The following SLC25A53 variants were observed in gnomAD, a reference collection of about 807,000 sequenced individuals.
The protein encoded by SLC25A53 is solute carrier family 25 member 53.
Under a neutral mutation model 15.0 loss-of-function variants are expected in SLC25A53, and 5 were observed. That is an observed-to-expected ratio of 0.33 (90% confidence interval 0.17 to 0.70). The LOEUF (loss-of-function observed/expected upper bound fraction) is 0.70. Among genes scored for constraint, SLC25A53 ranks in the 30% least tolerant of loss-of-function variants. The pLI is 0.67. For missense variants in SLC25A53, 216 were observed against 241.6 expected (o/e 0.89, Z 0.70); for synonymous variants, 95 against 100.0 (o/e 0.95, Z 0.30).
At position 104,104,194 on chromosome X, in the gene SLC25A53, G is replaced by C. The variant is rs1263233423; in HGVS notation, c.*140C>G. The C allele has an allele frequency of 2.1e-5, 11 of 529,618 alleles. No homozygotes were observed. Among genetic ancestry groups the C allele is most frequent in the Admixed American group, 3.9e-5 (1 of 25,332 alleles). The allele number at this position is 529,618 out of a possible 1,213,427, so 43.6% of individuals were successfully genotyped here. A position where few individuals can be genotyped will look rare whatever the true frequency, so the allele number is the denominator to read the frequency against. ...TTTGTCCTTGCTCAACAGGTTGGTA[G>C]TTGGGAACTTCTCCCATGCAATGAG... On this transcript the variant is annotated 3_prime_UTR_variant, in exon 2 of 2. Coordinates refer to ENST00000594199, the MANE Select transcript of SLC25A53 (RefSeq NM_001012755.5).
intron 1 of SLC25A53, among the ~76,000 whole-genome samples, chrX:104,111,787 C>A (rs1238979881): frequency 8.9e-6 from 1 of 112,245 alleles, no homozygotes; most frequent in Non-Finnish European, 1.9e-5. Context: ...TTATTTGCTG[C>A]AGGATACAGG....
intron 1 of SLC25A53, among the ~76,000 whole-genome samples, chrX:104,107,418 G>C (rs1345130893): frequency 1.1e-4 from 12 of 111,843 alleles, no homozygotes; most frequent in Admixed American, 1.9e-4. Flanking sequence ...AACTCAAGAG[G>C]CCCACTCTTT....
chrX:104,124,680 G>C (rs1556363818), intron 1 of SLC25A53, among the ~76,000 whole-genome samples: 1 of 109,680 alleles, frequency 9.1e-6, no homozygotes, highest in Admixed American at 9.8e-5. Flanking sequence ...CTTGAGCCCA[G>C]GAAGTTGAGG....
intron 1 of SLC25A53, among the ~76,000 whole-genome samples, chrX:104,117,717 G>T (rs2075382105): frequency 9.0e-6 from 1 of 110,993 alleles, no homozygotes. Context: ...CCTTGGAGGG[G>T]ATTTGCCCAC....
At chrX:104,117,251 C>T (rs2075380492) in intron 1 of SLC25A53, among the ~76,000 whole-genome samples, 1 of 105,203 alleles carries the variant, frequency 9.5e-6, no homozygotes, top group Admixed American at 1.0e-4. Flanking sequence ...TCCATATCCC[C>T]GCAATCTCAT....
At chrX:104,111,258 A>G (rs782053726) in intron 1 of SLC25A53, among the ~76,000 whole-genome samples, 10 of 112,092 alleles carry the variant, frequency 8.9e-5, no homozygotes, top group African/African-American at 9.7e-5. Flanking sequence ...GTAAGGCCCA[A>G]TAATCTACAT....
chrX:104,144,644 C>T (rs2075460789), intron 1 of SLC25A53, among the ~76,000 whole-genome samples: 1 of 111,370 alleles, frequency 9.0e-6, no homozygotes, highest in South Asian at 3.8e-4. Context: ...GCTGACGAGC[C>T]TTTGGGGAAG....
rs369536665 is a variant in SLC25A53, at chrX:104,130,550, G to C, written c.-31-25262C>G. 39 of 111,316 alleles carry C rather than the reference G, an allele frequency of 3.5e-4. 3 individuals are homozygous for C. Among genetic ancestry groups the C allele is most frequent in the Admixed American group, 2.5e-3 (26 of 10,491 alleles). The allele number at this position is 111,316 out of a possible 1,213,427, so 9.2% of individuals were successfully genotyped here. ...ATATGCTTGACATTTTTAAAGAACA[G>C]GAGGTGGGCAGACACTTCCTGTTTT... is the stretch of plus-strand genomic sequence containing the variant. On this transcript the variant is annotated intron_variant, in intron 1 of 1. Coordinates refer to ENST00000594199, the MANE Select transcript of SLC25A53 (RefSeq NM_001012755.5).
chrX:104,107,845 T>C (rs1300378862), intron 1 of SLC25A53, among the ~76,000 whole-genome samples: 2 of 111,841 alleles, frequency 1.8e-5, no homozygotes, highest in African/African-American at 6.5e-5. Context: ...ATCAACTTGA[T>C]GTGTGACCTT....
chrX:104,149,509 T>G (rs180749146), intron 1 of SLC25A53, among the ~76,000 whole-genome samples: 1 of 112,360 alleles, frequency 8.9e-6, no homozygotes, highest in East Asian at 2.8e-4. Flanking sequence ...GACCTATAGG[T>G]GGCCTTACCA....
intron 1 of SLC25A53, among the ~76,000 whole-genome samples, chrX:104,111,378 T>G (rs782463390): frequency 1.8e-5 from 2 of 112,024 alleles, no homozygotes; most frequent in East Asian, 5.6e-4. Flanking sequence ...TGGCTTCACC[T>G]TGTATTTTCA....
chrX:104,154,042 GA>G (rs2075493219), intron 1 of SLC25A53, among the ~76,000 whole-genome samples: 1 of 112,197 alleles, frequency 8.9e-6, no homozygotes, highest in African/African-American at 3.2e-5. Context: ...ACAATTAACA[GA>G]GGGGAGAGAC....
chrX:104,144,532 C>A (rs1441501300), intron 1 of SLC25A53, among the ~76,000 whole-genome samples: 3 of 111,633 alleles, frequency 2.7e-5, no homozygotes, highest in African/African-American at 9.8e-5. Context: ...GAATCACTGG[C>A]CTTCTGCATC....
At chrX:104,124,962 C>A (rs2075406255) in intron 1 of SLC25A53, among the ~76,000 whole-genome samples, 1 of 104,417 alleles carries the variant, frequency 9.6e-6, no homozygotes, top group African/African-American at 3.5e-5. Context: ...CTTGCCTCAG[C>A]CTTCCTAGTA....
In SLC25A53 at chrX:104,142,946, C is replaced by T. The variant is rs72616861; in HGVS notation, c.-32+13932G>A. Among the ~76,000 whole-genome samples the T allele has an allele frequency of 1.8e-4, 19 of 105,511 alleles. No homozygotes were observed. The East Asian group carries it at 4.7e-3, about 26-fold the overall frequency. 91.6% of individuals were successfully genotyped at this position (105,511 alleles called of 115,157 possible). A position where few individuals can be genotyped will look rare whatever the true frequency, so the allele number is the denominator to read the frequency against. On this transcript the variant is annotated intron_variant, in intron 1 of 1. Transcript: ENST00000594199. ...AAAAAAAAAAAAAAAAAAAAGAAGGCGGGTGATTTCTGCATTTCCAACTGA... is the reference window on the plus strand; with the variant it reads ...AAAAAAAAAAAAAAAAAAAAGAAGGTGGGTGATTTCTGCATTTCCAACTGA...
intron 1 of SLC25A53, among the ~76,000 whole-genome samples, chrX:104,117,277 T>C (rs1343856605): frequency 1.9e-5 from 2 of 102,965 alleles, no homozygotes; most frequent in Admixed American, 2.2e-4. Flanking sequence ...TCCCCCTTGC[T>C]CCATCCATTT....
At chrX:104,142,814 G>A (rs1046316537) in intron 1 of SLC25A53, among the ~76,000 whole-genome samples, 58 of 108,345 alleles carry the variant, frequency 5.4e-4, no homozygotes, top group African/African-American at 1.9e-3. Context: ...CCAGCTACTC[G>A]GGAGGCTGAA....
intron 1 of SLC25A53, among the ~76,000 whole-genome samples, chrX:104,122,304 G>GTTTTTTTTTTTTTGT (rs1264243091): frequency 2.6e-5 from 2 of 77,060 alleles, no homozygotes; most frequent in African/African-American, 9.0e-5. Flanking sequence ...TCTTTTTTTT[G>GTTTTTTTTTTTTTGT]TTTTTTTTTT....
intron 1 of SLC25A53, among the ~76,000 whole-genome samples, chrX:104,124,380 C>T (rs1015281443): frequency 3.6e-5 from 4 of 111,615 alleles, no homozygotes; most frequent in African/African-American, 9.8e-5. Context: ...AGTGTCTGTT[C>T]GTATCTTTTG....
Sources: allele counts gnomAD v4.1 joint callset (sites outside exome capture counted in the v4.1 genomes callset), GRCh38; gene constraint gnomAD v4.1.1; transcripts MANE v1.5; gene names NCBI Gene and HGNC (gene_info 2026-07-23, HGNC 2026-07-21).